Variants in SHC4 observed in about 807,000 individuals in gnomAD.
SHC4 encodes the protein SHC adaptor protein 4.
In SHC4, 41 loss-of-function variants were observed where a neutral mutation model predicts 69.4. The observed-to-expected ratio is 0.59, with a 90% CI of 0.46 to 0.77. The LOEUF (loss-of-function observed/expected upper bound fraction) is 0.77, where lower values mean the gene tolerates loss of function less well. Ranked by LOEUF, SHC4 falls within the 30% of genes least tolerant of loss-of-function variation. The probability of loss-of-function intolerance (pLI) is 0.00; values close to 1 mark genes in which losing one functional copy is unlikely to be tolerated. For missense variants in SHC4, 777 were observed against 783.8 expected (o/e 0.99, Z 0.10); for synonymous variants, 318 against 299.3 (o/e 1.06, Z -0.64).
intron 2 of SHC4, among the ~76,000 whole-genome samples, chr15:48,905,436 G>C (rs146401853): frequency 4.1e-4 from 63 of 152,304 alleles, no homozygotes; most frequent in African/African-American, 1.5e-3. Context: ...TTCAACTGCA[G>C]CTTCTGTGCT....
intron 10 of SHC4, among the ~76,000 whole-genome samples, chr15:48,835,318 T>C (rs1222418016): frequency 1.3e-5 from 2 of 152,146 alleles, no homozygotes; most frequent in Non-Finnish European, 2.9e-5. Flanking sequence ...CTTTTATAAC[T>C]GCAGAGAGAG....
chr15:48,897,211 C>T (rs535049727), intron 2 of SHC4, among the ~76,000 whole-genome samples: 96 of 152,230 alleles, frequency 6.3e-4, no homozygotes, highest in South Asian at 6.2e-3. Flanking sequence ...AAGAGAAACG[C>T]CCCAGAGCAC....
At chr15:48,910,273 C>T (rs1331080489) in intron 2 of SHC4, among the ~76,000 whole-genome samples, 1 of 151,938 alleles carries the variant, frequency 6.6e-6, no homozygotes, top group Non-Finnish European at 1.5e-5. Context: ...TCTAATTCTT[C>T]CTGATTTAAG....
intron 1 of SHC4, among the ~76,000 whole-genome samples, chr15:48,950,694 G>C (rs1037728507): frequency 3.3e-5 from 5 of 152,184 alleles, no homozygotes; most frequent in Admixed American, 3.3e-4. Context: ...GCTGCGTGCA[G>C]CAAGACAGAG....
chr15:48,928,624 G>T (rs1034565656), intron 1 of SHC4, among the ~76,000 whole-genome samples: 4 of 152,156 alleles, frequency 2.6e-5, no homozygotes, highest in African/African-American at 9.7e-5. Flanking sequence ...TTGGGGGTGA[G>T]AGGAATTCCT....
At chr15:48,855,905 A>G (rs1445187069) in intron 8 of SHC4, 48 bp downstream of exon 8, 2 of 1,542,202 alleles carry the variant, frequency 1.3e-6, no homozygotes, top group Admixed American at 1.9e-5. Context: ...TCTAGTGATA[A>G]GGGCAGAATT....
At chr15:48,949,548 C>T (rs184600520) in intron 1 of SHC4, among the ~76,000 whole-genome samples, 2 of 152,034 alleles carry the variant, frequency 1.3e-5, no homozygotes, top group East Asian at 3.8e-4. Flanking sequence ...CACCTCAAGG[C>T]ACTTTGTTTG....
At chr15:48,860,436 G>A (rs1899419518) in intron 6 of SHC4, among the ~76,000 whole-genome samples, 1 of 152,158 alleles carries the variant, frequency 6.6e-6, no homozygotes, top group South Asian at 2.1e-4. Flanking sequence ...GAACCTGGGA[G>A]GCAGAGGTTG....
At chr15:48,949,226 C>A (rs887975036) in intron 1 of SHC4, among the ~76,000 whole-genome samples, 2 of 151,932 alleles carry the variant, frequency 1.3e-5, no homozygotes, top group Non-Finnish European at 2.9e-5. Context: ...AAAAAATTAG[C>A]TGGGCATGGT....
chr15:48,904,912 A>G (rs915099762), intron 2 of SHC4, among the ~76,000 whole-genome samples: 2 of 145,496 alleles, frequency 1.4e-5, no homozygotes, highest in African/African-American at 5.2e-5. Context: ...AACACGACAC[A>G]CACGCACACA....
intron 1 of SHC4, among the ~76,000 whole-genome samples, chr15:48,930,394 T>C (rs1416532357): frequency 6.6e-6 from 1 of 152,234 alleles, no homozygotes; most frequent in Non-Finnish European, 1.5e-5. Context: ...TTATTCCCTT[T>C]CTCAGAATAT....
intron 10 of SHC4, among the ~76,000 whole-genome samples, chr15:48,841,480 A>G (rs1898987317): frequency 6.6e-6 from 1 of 152,222 alleles, no homozygotes; most frequent in African/African-American, 2.4e-5. Context: ...GTCAGCAGTC[A>G]GCCTGCAGCT....
In SHC4 at chr15:48,879,583, T is replaced by C. The variant is rs191368370; in HGVS notation, c.840+4665A>G. 79 of 167,198 alleles carry C rather than the reference T, an allele frequency of 4.7e-4. 1 individual carries two copies. The highest frequency in any genetic ancestry group is 1.9e-3 in the African/African-American group (78 of 41,584). 10.4% of individuals were successfully genotyped at this position (167,198 alleles called of 1,614,324 possible). A position where few individuals can be genotyped will look rare whatever the true frequency, so the allele number is the denominator to read the frequency against. ...TTTTAACTTGACAGATGAAGGACTT[T>C]AGTTGAACTTCATATTGTAAGAACT... On this transcript the variant is annotated intron_variant, in intron 4 of 11. Transcript: ENST00000332408.
intron 3 of SHC4, among the ~76,000 whole-genome samples, chr15:48,887,140 A>G (rs757542521): frequency 7.9e-5 from 12 of 152,140 alleles, no homozygotes; most frequent in Admixed American, 3.3e-4. Flanking sequence ...TGAATAAATC[A>G]TTTTTCCATT....
intron 1 of SHC4, among the ~76,000 whole-genome samples, chr15:48,927,651 G>A (rs985375884): frequency 6.6e-6 from 1 of 152,046 alleles, no homozygotes; most frequent in African/African-American, 2.4e-5. Context: ...CTGTGTCACT[G>A]TCCCCTTACA....
chr15:48,923,789 G>T (rs534541556), intron 2 of SHC4, among the ~76,000 whole-genome samples: 35 of 151,868 alleles, frequency 2.3e-4, no homozygotes, highest in Non-Finnish European at 4.7e-4. Context: ...ACTGGCATGT[G>T]CTACCGTGCC....
chr15:48,903,261 G>C (rs1416991974), intron 2 of SHC4, among the ~76,000 whole-genome samples: 3 of 152,198 alleles, frequency 2.0e-5, no homozygotes, highest in Non-Finnish European at 4.4e-5. Context: ...GGCAGGTAGA[G>C]AGATGCACCA....
At chr15:48,904,631 A>T (rs1900374524) in intron 2 of SHC4, among the ~76,000 whole-genome samples, 1 of 152,136 alleles carries the variant, frequency 6.6e-6, no homozygotes, top group South Asian at 2.1e-4. Context: ...TAATCCCAGC[A>T]CTTTGGGAGG....
rs368986494 is a variant in SHC4, at chr15:48,878,530, T to C, written c.840+5718A>G. 4.3e-5 allele frequency: 70 copies of C among 1,614,036 alleles called. 1 individual carries two copies. In the East Asian group the frequency reaches 1.1e-3, roughly 25 times the overall value. On this transcript the variant is annotated intron_variant, in intron 4 of 11. Coordinates refer to ENST00000332408, the MANE Select transcript of SHC4 (RefSeq NM_203349.4). Reference sequence around the variant, plus strand: ...ACTATCCCGAAGAGGAGCAGCTCAGTGGTGCCGGCTACAGAGTATCAGCCG... The same window carrying C: ...ACTATCCCGAAGAGGAGCAGCTCAGCGGTGCCGGCTACAGAGTATCAGCCG...
Sources: allele counts gnomAD v4.1 joint callset (sites outside exome capture counted in the v4.1 genomes callset), GRCh38; gene constraint gnomAD v4.1.1; transcripts MANE v1.5; gene names NCBI Gene and HGNC (gene_info 2026-07-23, HGNC 2026-07-21).